The following IQCM variants were observed in gnomAD, a reference collection of about 807,000 sequenced individuals.
IQCM encodes the protein IQ domain-containing protein M.
In IQCM, 45 loss-of-function variants were observed where a neutral mutation model predicts 57.6. That is an observed-to-expected ratio of 0.78 (90% CI 0.62 to 1.00). The LOEUF (loss-of-function observed/expected upper bound fraction) is 1.00. Ranked by LOEUF, IQCM falls within the 50% of genes least tolerant of loss-of-function variation. The pLI, the probability that IQCM is intolerant of heterozygous loss-of-function variation, is 0.00. For missense variants in IQCM, 468 were observed against 511.6 expected, an observed-to-expected ratio of 0.91 and a Z score of 0.82; for synonymous variants, 148 against 158.9, an observed-to-expected ratio of 0.93 and a Z score of 0.51.
chr4:149,650,496 G>A (rs1362720704), intron 7 of IQCM, among the ~76,000 whole-genome samples: 2 of 150,390 alleles, frequency 1.3e-5, no homozygotes, highest in East Asian at 2.0e-4. Context: ...GGAATCAAGC[G>A]ATTCTCCTGC....
intron 9 of IQCM, among the ~76,000 whole-genome samples, chr4:149,571,679 T>C (rs1344315804): frequency 6.6e-6 from 1 of 151,420 alleles, no homozygotes; most frequent in African/African-American, 2.4e-5. Flanking sequence ...GTAATGCACA[T>C]GTTAATTAGC....
intron 7 of IQCM, among the ~76,000 whole-genome samples, chr4:149,681,894 C>T (rs952958409): frequency 6.6e-6 from 1 of 151,062 alleles, no homozygotes; most frequent in African/African-American, 2.4e-5. Flanking sequence ...CTACAACCTG[C>T]AATATTCATA....
At chr4:149,599,385 T>G (rs1300342535) in intron 8 of IQCM, among the ~76,000 whole-genome samples, 1 of 152,038 alleles carries the variant, frequency 6.6e-6, no homozygotes, top group Non-Finnish European at 1.5e-5. Flanking sequence ...AGACACTAAC[T>G]AGGAATATGT....
chr4:149,508,875 C>T (rs775870935), intron 12 of IQCM, among the ~76,000 whole-genome samples: 17 of 152,136 alleles, frequency 1.1e-4, no homozygotes, highest in Non-Finnish European at 1.2e-4. Context: ...CAGTGGGAGG[C>T]AATTGAATCG....
intron 13 of IQCM, among the ~76,000 whole-genome samples, chr4:149,418,720 C>T (rs944778520): frequency 6.6e-6 from 1 of 151,968 alleles, no homozygotes; most frequent in Admixed American, 6.6e-5. Flanking sequence ...TTTGCAGATG[C>T]CGTGATCCTG....
chr4:149,683,597 C>T (rs1762349473), intron 6 of IQCM, among the ~76,000 whole-genome samples: 1 of 151,230 alleles, frequency 6.6e-6, no homozygotes, highest in Non-Finnish European at 1.5e-5. Context: ...TTATAAAATT[C>T]CATTTGAAAT....
intron 7 of IQCM, among the ~76,000 whole-genome samples, chr4:149,668,219 A>G (rs570179248): frequency 6.6e-6 from 1 of 152,340 alleles, no homozygotes; most frequent in South Asian, 2.1e-4. Context: ...TCAGACTAAC[A>G]GCAGATCTCT....
intron 2 of IQCM, among the ~76,000 whole-genome samples, chr4:149,798,432 G>T (rs1278456446): frequency 6.6e-6 from 1 of 151,940 alleles, no homozygotes; most frequent in Non-Finnish European, 1.5e-5. Flanking sequence ...AAGCAAGAAG[G>T]AAGTAAAGAC....
chr4:149,401,166 C>T (rs1279801430), intron 13 of IQCM, among the ~76,000 whole-genome samples: 1 of 151,556 alleles, frequency 6.6e-6, no homozygotes, highest in African/African-American at 2.4e-5. Context: ...ATGTAAGTCC[C>T]CCCAAAAAGA....
intron 11 of IQCM, among the ~76,000 whole-genome samples, chr4:149,552,043 CTT>C (rs1749086401): frequency 6.6e-6 from 1 of 152,174 alleles, no homozygotes; most frequent in Non-Finnish European, 1.5e-5. Context: ...ATCTCTCTCT[CTT>C]TTCTCTTTCT....
intron 2 of IQCM, among the ~76,000 whole-genome samples, chr4:149,807,922 C>T (rs572782838): frequency 1.9e-4 from 29 of 152,038 alleles, no homozygotes; most frequent in African/African-American, 5.5e-4. Context: ...AAATAACAAA[C>T]GCTGGTGATG....
chr4:149,671,193 T>C (rs1023170378), intron 7 of IQCM, among the ~76,000 whole-genome samples: 1 of 152,186 alleles, frequency 6.6e-6, no homozygotes, highest in Non-Finnish European at 1.5e-5. Context: ...ATTCAACTTC[T>C]TCCTGGTTTA....
At chr4:149,641,177 T>C (rs1019288979) in intron 7 of IQCM, among the ~76,000 whole-genome samples, 1 of 152,110 alleles carries the variant, frequency 6.6e-6, no homozygotes, top group East Asian at 1.9e-4. Context: ...AAACTAACTA[T>C]GAGAAAACAA....
intron 5 of IQCM, among the ~76,000 whole-genome samples, chr4:149,722,961 G>C (rs1046824844): frequency 9.9e-5 from 15 of 151,942 alleles, no homozygotes; most frequent in African/African-American, 3.6e-4. Context: ...TGTCATTTAT[G>C]ACTTCTTTCA....
intron 8 of IQCM, among the ~76,000 whole-genome samples, chr4:149,598,287 A>C (rs1753959120): frequency 6.6e-6 from 1 of 152,214 alleles, no homozygotes; most frequent in African/African-American, 2.4e-5. Context: ...GTTTTAAAAA[A>C]GAAAGAACTA....
At chr4:149,556,515 T>C (rs1403642695) in intron 10 of IQCM, among the ~76,000 whole-genome samples, 9 of 152,326 alleles carry the variant, frequency 5.9e-5, no homozygotes, top group African/African-American at 2.2e-4. Context: ...TATAAGAAGA[T>C]ATCTTGACCA....
At chr4:149,667,775 G>A (rs899069170) in intron 7 of IQCM, among the ~76,000 whole-genome samples, 8 of 151,732 alleles carry the variant, frequency 5.3e-5, no homozygotes, top group Admixed American at 3.3e-4. Flanking sequence ...CAAGAACTTC[G>A]TGAAGCATAC....
intron 7 of IQCM, among the ~76,000 whole-genome samples, chr4:149,647,858 C>T (rs1030930136): frequency 6.6e-5 from 10 of 152,110 alleles, no homozygotes; most frequent in Admixed American, 3.9e-4. Context: ...AAAATATTCT[C>T]TTCTTTTTGG....
chr4:149,390,259 C>G lies in IQCM; in HGVS notation c.1391-38193G>C, dbSNP rs1353836524. On this transcript the variant is annotated intron_variant, in intron 13 of 13. Coordinates refer to ENST00000636793, the MANE Select transcript of IQCM (RefSeq NM_001363507.2). ...GTTCCTTAATTTTGTTGTTTAATTA[C>G]TAATTACTGATATATAGAAATACAA... Among the ~76,000 whole-genome samples the G allele has an allele frequency of 6.6e-5, 10 of 152,036 alleles. No homozygotes were observed. In the East Asian group the frequency reaches 1.9e-3, roughly 30 times the overall value.
Sources: allele counts gnomAD v4.1 joint callset (sites outside exome capture counted in the v4.1 genomes callset), GRCh38; gene constraint gnomAD v4.1.1; transcripts MANE v1.5; gene names NCBI Gene and HGNC (gene_info 2026-07-23, HGNC 2026-07-21).